UGT1A7: variants seen among roughly 807,000 people sequenced by gnomAD.
UGT1A7 encodes the protein UDP glucuronosyltransferase family 1 member A7.
A neutral mutation model predicts 45.6 loss-of-function variants in UGT1A7; 33 were observed. That is an observed-to-expected ratio of 0.72 (90% CI 0.55 to 0.97). The LOEUF is 0.97. Among genes scored for constraint, UGT1A7 ranks in the 50% least tolerant of loss-of-function variants. UGT1A7 has a pLI of 0.00. For missense variants in UGT1A7, 684 were observed against 666.2 expected (o/e 1.03, Z -0.29); for synonymous variants, 274 against 250.6 (o/e 1.09, Z -0.88).
At chr2:233,726,854 A>G (rs980426931) in intron 1 of UGT1A7, among the ~76,000 whole-genome samples, 2 of 152,058 alleles carry the variant, frequency 1.3e-5, no homozygotes, top group Non-Finnish European at 2.9e-5. Context: ...CCTTTTCTCC[A>G]TAGTCTTCTA....
chr2:233,718,144 T>C (rs2076632951), intron 1 of UGT1A7: 2 of 232,512 alleles, frequency 8.6e-6, no homozygotes, highest in Non-Finnish European at 1.8e-5. Context: ...GAATCCTCAA[T>C]AAAGCCTTCC....
In UGT1A7 at chr2:233,747,168, G is replaced by C. The variant is rs1693578395; in HGVS notation, c.856-19866G>C. 4 of 1,593,782 alleles carry C rather than the reference G, an allele frequency of 2.5e-6. No homozygotes were observed. The South Asian group carries it at 4.5e-5, about 18-fold the overall frequency. On this transcript the variant is annotated intron_variant, in intron 1 of 4. Coordinates refer to ENST00000373426, the MANE Select transcript of UGT1A7 (RefSeq NM_019077.3). ...TAAGATGAAGAAAACAAATGTAGGA[G>C]GCACAGCGTGGGGTGGACAGTCAGC...
intron 1 of UGT1A7, among the ~76,000 whole-genome samples, chr2:233,746,241 G>A (rs1177862804): frequency 6.6e-6 from 1 of 151,746 alleles, no homozygotes; most frequent in African/African-American, 2.4e-5. Context: ...ACTGCTAAAA[G>A]ATACAAGGCA....
In UGT1A7 at chr2:233,767,156, C is replaced by A. The variant is rs1029357504; in HGVS notation, c.978C>A (p.Ile326=). Residue 326 remains isoleucine, a synonymous_variant, in exon 2 of 5, where the codon ATC becomes ATA. Coordinates refer to ENST00000373426, the MANE Select transcript of UGT1A7 (RefSeq NM_019077.3). Reference sequence around the variant, plus strand: ...CAATTGCTGATGCTTTGGGCAAAATCCCTCAGACAGTAAGAAGATTCTATA... The same window carrying A: ...CAATTGCTGATGCTTTGGGCAAAATACCTCAGACAGTAAGAAGATTCTATA... ...AMAIADALGK[I]PQTVLWRYTG... The A allele has an allele frequency of 6.2e-7, 1 of 1,614,058 alleles. No individual in the cohort carries two copies. Among genetic ancestry groups the A allele is most frequent in the Non-Finnish European group, 8.5e-7 (1 of 1,179,996 alleles).
At chr2:233,720,465 GATGA>G (rs2076862299) in intron 1 of UGT1A7, among the ~76,000 whole-genome samples, 1 of 152,108 alleles carries the variant, frequency 6.6e-6, no homozygotes, top group Non-Finnish European at 1.5e-5. Flanking sequence ...TGGGACCAGT[GATGA>G]ATGGACATGT....
At chr2:233,759,599 A>ACCCCCCCCCC (rs1553620419) in intron 1 of UGT1A7, among the ~76,000 whole-genome samples, 229 of 108,538 alleles carry the variant, frequency 2.1e-3, no homozygotes, top group African/African-American at 3.4e-3. Flanking sequence ...CCCACCCCCG[A>ACCCCCCCCCC]CCCGCCCCAC....
At chr2:233,712,295 G>A (rs1199448507) in intron 1 of UGT1A7, among the ~76,000 whole-genome samples, 2 of 152,246 alleles carry the variant, frequency 1.3e-5, no homozygotes, top group Non-Finnish European at 2.9e-5. Flanking sequence ...CTTCCATGGT[G>A]TAGATGGAGA....
intron 1 of UGT1A7, among the ~76,000 whole-genome samples, chr2:233,735,014 T>A (rs902605197): frequency 6.6e-6 from 1 of 152,232 alleles, no homozygotes; most frequent in Non-Finnish European, 1.5e-5. Flanking sequence ...GAGAGTTCTG[T>A]AGATGTCTAT....
At chr2:233,691,213 A>C in intron 1 of UGT1A7, 1 of 985,584 alleles carries the variant, frequency 1.0e-6, no homozygotes, top group Non-Finnish European at 1.2e-6. Context: ...TTCCCTTTGC[A>C]ACCTTCCTGG....
intron 1 of UGT1A7, among the ~76,000 whole-genome samples, chr2:233,714,198 A>C (rs2125637992): frequency 6.6e-6 from 1 of 152,336 alleles, no homozygotes; most frequent in South Asian, 2.1e-4. Context: ...CTACACTGAG[A>C]ACTGATCCAT....
At chr2:233,723,024 G>A (rs1419392823) in intron 1 of UGT1A7, among the ~76,000 whole-genome samples, 1 of 144,364 alleles carries the variant, frequency 6.9e-6, no homozygotes, top group Non-Finnish European at 1.5e-5. Flanking sequence ...AAGGTGGAAG[G>A]GCCAGCGGGA....
intron 1 of UGT1A7, among the ~76,000 whole-genome samples, chr2:233,737,949 C>A (rs965025739): frequency 6.6e-6 from 1 of 151,968 alleles, no homozygotes; most frequent in African/African-American, 2.4e-5. Context: ...GACTGTTTCC[C>A]AACATGAGGT....
At chr2:233,700,536 A>T (rs2075571334) in intron 1 of UGT1A7, among the ~76,000 whole-genome samples, 1 of 152,216 alleles carries the variant, frequency 6.6e-6, no homozygotes, top group South Asian at 2.1e-4. Context: ...ACTCTAGGAG[A>T]ATGAGAATAA....
intron 1 of UGT1A7, among the ~76,000 whole-genome samples, chr2:233,708,081 T>G (rs1171584848): frequency 6.6e-6 from 1 of 152,226 alleles, no homozygotes; most frequent in African/African-American, 2.4e-5. Context: ...CTTTTTACTT[T>G]TATTCAAACG....
intron 1 of UGT1A7, chr2:233,713,361 A>C (rs201722242): frequency 1.1e-5 from 17 of 1,614,070 alleles, no homozygotes; most frequent in African/African-American, 1.3e-5. Context: ...GTCTTTGATC[A>C]TACATAGGTC....
intron 1 of UGT1A7, chr2:233,743,500 G>C (rs1692320466): frequency 7.3e-7 from 1 of 1,366,958 alleles, no homozygotes; most frequent in African/African-American, 1.5e-5. Flanking sequence ...AGAGAAAAGG[G>C]GTGCAGACGC....
At chr2:233,761,816 G>C (rs374860940) in intron 1 of UGT1A7, among the ~76,000 whole-genome samples, 3 of 152,178 alleles carry the variant, frequency 2.0e-5, no homozygotes, top group Admixed American at 6.5e-5. Flanking sequence ...AACAGGAGAG[G>C]CTCCTTCAGA....
chr2:233,723,484 C>A (rs6750992), intron 1 of UGT1A7, among the ~76,000 whole-genome samples: 60,000 of 128,836 alleles, frequency 0.47, 17,177 homozygotes, highest in African/African-American at 0.75. Context: ...TGCTAGGATT[C>A]CAGGTGTGAG....
intron 1 of UGT1A7, among the ~76,000 whole-genome samples, chr2:233,735,627 A>T (rs1296033984): frequency 1.3e-5 from 2 of 152,164 alleles, no homozygotes; most frequent in Non-Finnish European, 2.9e-5. Flanking sequence ...ACAATTTGGC[A>T]TGTTTTTGCA....
Sources: gnomAD v4.1 joint callset for allele counts (sites outside exome capture counted in the v4.1 genomes callset) on GRCh38, gnomAD v4.1.1 for gene constraint, MANE v1.5 for transcripts, NCBI Gene and HGNC (gene_info 2026-07-23, HGNC 2026-07-21) for gene names.